The following NFIB variants were observed in gnomAD, a reference collection of about 807,000 sequenced individuals.
The protein encoded by NFIB is nuclear factor 1 B-type.
NFIB carries 11 observed loss-of-function variants against 61.5 expected under a neutral mutation model. The observed-to-expected ratio is 0.18, with a 90% confidence interval of 0.11 to 0.30. The LOEUF is 0.30. NFIB is among the 10% of genes least tolerant of loss of function. NFIB has a pLI of 1.00. For missense variants in NFIB, 471 were observed against 608.9 expected (o/e 0.77, Z 2.38); for synonymous variants, 260 against 216.5 (o/e 1.20, Z -1.76).
intron 6 of NFIB, among the ~76,000 whole-genome samples, chr9:14,130,600 C>G (rs1221651638): frequency 6.6e-6 from 1 of 151,806 alleles, no homozygotes; most frequent in African/African-American, 2.4e-5. Flanking sequence ...TGACTAATGG[C>G]TTACCTCCTA....
the NFIB span, among the ~76,000 whole-genome samples, chr9:14,486,105 T>A: frequency 1.3e-5 from 2 of 152,206 alleles, no homozygotes; most frequent in Non-Finnish European, 2.9e-5. Context: ...TAAATTGATA[T>A]CTTCAAGATA....
chr9:14,298,070 A>G (rs1473884263), intron 2 of NFIB, among the ~76,000 whole-genome samples: 1 of 152,166 alleles, frequency 6.6e-6, no homozygotes, highest in African/African-American at 2.4e-5. Flanking sequence ...ATATTTACTA[A>G]TGGTTCTCTA....
chr9:14,289,650 G>GA (rs1381425977), intron 2 of NFIB, among the ~76,000 whole-genome samples: 2 of 151,408 alleles, frequency 1.3e-5, no homozygotes, highest in Admixed American at 6.6e-5. Context: ...TGCACACTTT[G>GA]AAAAAATCTA....
At chr9:14,468,391 G>T in the NFIB span, among the ~76,000 whole-genome samples, 5 of 152,180 alleles carry the variant, frequency 3.3e-5, no homozygotes, top group East Asian at 1.9e-4. Context: ...AAGGGGAAGG[G>T]GGTCATTTCC....
chr9:14,454,995 T>C, the NFIB span, among the ~76,000 whole-genome samples: 2 of 152,218 alleles, frequency 1.3e-5, no homozygotes, highest in Admixed American at 1.3e-4. Flanking sequence ...AATAGGTATG[T>C]AATATGAGCA....
intron 1 of NFIB, among the ~76,000 whole-genome samples, chr9:14,335,235 T>A (rs1208734859): frequency 2.6e-5 from 4 of 152,124 alleles, no homozygotes; most frequent in Non-Finnish European, 5.9e-5. Context: ...ATGGCAGGTG[T>A]CTGTTTAACT....
At chr9:14,097,875 C>CTTTTTT (rs71321962) in intron 10 of NFIB, among the ~76,000 whole-genome samples, 7,515 of 110,478 alleles carry the variant, frequency 0.068, 419 homozygotes, top group South Asian at 0.097. Context: ...TTTCTTTTTT[C>CTTTTTT]TTTTTTTTTT....
intron 2 of NFIB, among the ~76,000 whole-genome samples, chr9:14,277,970 T>C (rs964723881): frequency 1.3e-5 from 2 of 152,154 alleles, no homozygotes; most frequent in Admixed American, 1.3e-4. Flanking sequence ...GATGTTTCTG[T>C]CTCCTGTGAT....
the NFIB span, among the ~76,000 whole-genome samples, chr9:14,499,658 G>C: frequency 1.3e-5 from 2 of 152,198 alleles, no homozygotes; most frequent in African/African-American, 4.8e-5. Flanking sequence ...AAGGGGAATT[G>C]ACGGGCCCAA....
chr9:14,126,849 A>G (rs953836241), intron 6 of NFIB, among the ~76,000 whole-genome samples: 2 of 152,230 alleles, frequency 1.3e-5, no homozygotes, highest in Non-Finnish European at 2.9e-5. Flanking sequence ...ATTCATCAAT[A>G]CATTCATTCC....
intron 1 of NFIB, among the ~76,000 whole-genome samples, chr9:14,308,891 C>T (rs934927570): frequency 6.6e-5 from 10 of 152,118 alleles, no homozygotes; most frequent in South Asian, 2.1e-4. Flanking sequence ...CAGTCAGTTT[C>T]GTTACTTCCT....
chr9:14,233,419 T>C (rs1330612074), intron 2 of NFIB, among the ~76,000 whole-genome samples: 5 of 148,476 alleles, frequency 3.4e-5, no homozygotes, highest in African/African-American at 9.9e-5. Flanking sequence ...TTTGCTATTA[T>C]TCTTTTTTTT....
intron 2 of NFIB, among the ~76,000 whole-genome samples, chr9:14,250,560 A>G (rs1453928737): frequency 6.6e-6 from 1 of 152,234 alleles, no homozygotes; most frequent in Non-Finnish European, 1.5e-5. Context: ...GATTTTGTGA[A>G]GGAGTGCTGA....
chr9:14,501,856 G>A, the NFIB span, among the ~76,000 whole-genome samples: 1 of 152,188 alleles, frequency 6.6e-6, no homozygotes, highest in Admixed American at 6.5e-5. Context: ...GGAGGCTCCT[G>A]GGTGAGTATG....
At chr9:14,472,677 TA>T in the NFIB span, among the ~76,000 whole-genome samples, 2 of 151,822 alleles carry the variant, frequency 1.3e-5, no homozygotes, top group Non-Finnish European at 2.9e-5. Flanking sequence ...CCATCTCTAC[TA>T]AAAATACAAA....
chr9:14,264,182 C>CA lies in NFIB; in HGVS notation c.562+42806dup, dbSNP rs58028341. ...ATAGAAACGACTATTTAAAATTGAC[C>CA]AAAAAAAAAAAGCAAATAGATATCC... On this transcript the variant is annotated intron_variant, in intron 2 of 10. Coordinates refer to ENST00000380953, the MANE Select transcript of NFIB (RefSeq NM_001190737.2). 3.8e-3 allele frequency among the ~76,000 whole-genome samples: 516 copies of CA among 137,144 alleles called. 2 individuals are homozygous for CA. Among genetic ancestry groups the CA allele is most frequent in the African/African-American group, 0.011 (401 of 37,708 alleles). The allele number at this position is 137,144 out of a possible 152,430, so 90.0% of individuals were successfully genotyped here. A position where few individuals can be genotyped will look rare whatever the true frequency, so the allele number is the denominator to read the frequency against.
intron 2 of NFIB, among the ~76,000 whole-genome samples, chr9:14,286,519 T>C (rs2058718834): frequency 6.6e-6 from 1 of 152,262 alleles, no homozygotes; most frequent in Non-Finnish European, 1.5e-5. Flanking sequence ...ATGATCTCAC[T>C]ATTTTCTCAG....
At chr9:14,367,666 T>C (rs2061315840) in intron 1 of NFIB, among the ~76,000 whole-genome samples, 1 of 152,144 alleles carries the variant, frequency 6.6e-6, no homozygotes, top group Non-Finnish European at 1.5e-5. Context: ...AAAGAAAATG[T>C]GGCACATATA....
At chr9:14,190,060 A>T (rs2047780491) in intron 2 of NFIB, among the ~76,000 whole-genome samples, 1 of 151,988 alleles carries the variant, frequency 6.6e-6, no homozygotes, top group African/African-American at 2.4e-5. Context: ...AAAATTTTTT[A>T]AATTGGATAC....
Sources: allele counts gnomAD v4.1 joint callset (sites outside exome capture counted in the v4.1 genomes callset), GRCh38; gene constraint gnomAD v4.1.1; transcripts MANE v1.5; gene names NCBI Gene and HGNC (gene_info 2026-07-23, HGNC 2026-07-21).